DNPEP: variants seen among roughly 807,000 people sequenced by gnomAD.
DNPEP encodes the protein aspartyl aminopeptidase.
A neutral mutation model predicts 59.1 loss-of-function variants in DNPEP; 46 were observed. The observed-to-expected ratio is 0.78, with a 90% CI of 0.61 to 0.99. The LOEUF is 0.99. DNPEP is among the 50% of genes least tolerant of loss of function. The pLI is 0.00. For missense variants in DNPEP, 617 were observed against 649.9 expected, an observed-to-expected ratio of 0.95 and a Z score of 0.55; for synonymous variants, 229 against 242.2, an observed-to-expected ratio of 0.95 and a Z score of 0.50.
chr2:219,398,429 C>T (rs1954132794), intron 1 of DNPEP, among the ~76,000 whole-genome samples: 1 of 152,230 alleles, frequency 6.6e-6, no homozygotes, highest in African/African-American at 2.4e-5. Flanking sequence ...GCGGGTGGAT[C>T]ACCTGAGGTC....
intron 1 of DNPEP, among the ~76,000 whole-genome samples, chr2:219,394,854 C>T (rs2125152808): frequency 6.6e-6 from 1 of 152,270 alleles, no homozygotes; most frequent in South Asian, 2.1e-4. Context: ...ATTCCATCCA[C>T]ATTCTTCCCA....
intron 1 of DNPEP, among the ~76,000 whole-genome samples, chr2:219,396,591 A>G (rs1648928586): frequency 6.6e-6 from 1 of 151,924 alleles, no homozygotes; most frequent in South Asian, 2.1e-4. Context: ...CCATCTCAAA[A>G]AAAAAGAAAA....
chr2:219,381,050 C>G (rs1953575170), intron 13 of DNPEP, among the ~76,000 whole-genome samples: 2 of 152,144 alleles, frequency 1.3e-5, no homozygotes, highest in African/African-American at 2.4e-5. Flanking sequence ...TACCTTCAGT[C>G]TTCATAGAAA....
Position 219,383,125 on chromosome 2 carries a change from A to C in DNPEP, c.936+6T>G. On this transcript the variant is annotated splice_donor_region_variant and intron_variant, in intron 10 of 14. Transcript: ENST00000273075. ...GAGGTGACCCTCCCCAGAACCCTCC[A>C]CGTACCTCTTCGTTGTCATAGAGTG... 6.2e-7 allele frequency: 1 copy of C among 1,613,766 alleles called. No individual in the cohort carries two copies. Among genetic ancestry groups the C allele is most frequent in the Non-Finnish European group, 8.5e-7 (1 of 1,179,624 alleles).
chr2:219,385,854 A>G (rs1953792331), intron 6 of DNPEP, 114 bp downstream of exon 6: 9 of 1,487,304 alleles, frequency 6.1e-6, no homozygotes, highest in South Asian at 3.9e-5. Context: ...GAGGACCCTT[A>G]GAAATTAACT....
chr2:219,381,392 G>C lies in DNPEP; in HGVS notation c.1182C>G (p.Asn394Lys), dbSNP rs751244985. 1 of 1,614,250 alleles carries C rather than the reference G, an allele frequency of 6.2e-7. No homozygotes were observed. ...KVNSKQRYAS[N>K]AVSEALIREV... Reference sequence around the variant, plus strand: ...CTCGGATCAGGGCCTCTGACACCGCGTTTGAAGCATAGCGTTGCTTGCTGT... The same window carrying C: ...CTCGGATCAGGGCCTCTGACACCGCCTTTGAAGCATAGCGTTGCTTGCTGT... The change falls in exon 13 of 15, where the codon AAC becomes AAG. Residue 394 changes from asparagine (N) to lysine (K), a missense_variant. By Grantham distance (94) the Asn-to-Lys change is moderately conservative. Transcript: ENST00000273075.
intron 13 of DNPEP, among the ~76,000 whole-genome samples, chr2:219,377,441 AAAGGGGTGGGGGG>A (rs1326728241): frequency 2.0e-5 from 3 of 152,132 alleles, no homozygotes; most frequent in Admixed American, 6.6e-5. Flanking sequence ...TGCTATTTAA[AAAGGGGTGGGGGG>A]AACTGTGCTA....
rs1953912971 is a variant in DNPEP at position 219,387,745 on chromosome 2, C to T, written c.36+14G>A. 1 of 1,607,394 alleles carries T rather than the reference C, an allele frequency of 6.2e-7. No individual in the cohort carries two copies. On this transcript the variant is annotated intron_variant, in intron 1 of 14. Transcript: ENST00000273075. ...GGGATCGAAATTCAAGTGGGGCCGT[C>T]GGGAGCCACTTACCTGCATGGCCCC...
Position 219,374,175 on chromosome 2 carries a change from A to G in DNPEP, c.*117T>C. ...CAACTCCCACTCCTCTAGTCTCCAA[A>G]TAAGCGTAGCACGGAGAGTCTGAGT... On this transcript the variant is annotated 3_prime_UTR_variant, in exon 15 of 15. Transcript: ENST00000273075. 1.9e-6 allele frequency: 2 copies of G among 1,051,160 alleles called. No individual in the cohort carries two copies. The highest frequency in any genetic ancestry group is 2.9e-6 in the Non-Finnish European group (2 of 693,878). The allele number at this position is 1,051,160 out of a possible 1,614,324, so 65.1% of individuals were successfully genotyped here.
upstream of DNPEP, chr2:219,387,982 C>T: frequency 7.7e-7 from 1 of 1,299,968 alleles, no homozygotes; most frequent in East Asian, 3.2e-5. Context: ...GCATCCGCCC[C>T]GCCCACCTCG....
chr2:219,388,300 C>T (rs1267527878), upstream of DNPEP, among the ~76,000 whole-genome samples: 1 of 148,272 alleles, frequency 6.7e-6, no homozygotes, highest in East Asian at 2.0e-4. Flanking sequence ...CGCCCTGCCC[C>T]CGCCCTTGCT....
In DNPEP at chr2:219,374,908, T is replaced by C. The variant is rs1402536539; in HGVS notation, c.1354A>G (p.Ile452Val). 2 of 1,614,070 alleles carry C rather than the reference T, an allele frequency of 1.2e-6. No individual in the cohort carries two copies. The highest frequency in any genetic ancestry group is 1.7e-6 in the Non-Finnish European group (2 of 1,180,000). ...CCTGTGGTGCAGGCCATCTCCCGGA[T>C]AGAGTGCATGGCCAGTTGGGGGCTG... ...LGSPQLAMHS[I>V]REMACTTGVL... is the part of the protein sequence containing the mutation. Residue 452 changes from isoleucine (I) to valine (V), a missense_variant, in exon 14 of 15, where the codon ATC (isoleucine) becomes GTC (valine). Ile to Val is a conservative substitution (Grantham distance 29, BLOSUM62 3). Transcript: ENST00000273075.
chr2:219,373,692 T>C lies in DNPEP; in HGVS notation c.*600A>G, dbSNP rs1953262014. On this transcript the variant is annotated 3_prime_UTR_variant, in exon 15 of 15. Transcript: ENST00000273075. Reference sequence around the variant, plus strand: ...ACTTTGACTTTTCCAATTTTTTCAATGATAATCTTTTTTCCTGATAATATG... The same window carrying C: ...ACTTTGACTTTTCCAATTTTTTCAACGATAATCTTTTTTCCTGATAATATG... The C allele has an allele frequency of 6.6e-6, 1 of 152,326 alleles. No homozygotes were observed. The highest frequency in any genetic ancestry group is 2.1e-4 in the South Asian group (1 of 4,832). The allele number at this position is 152,326 out of a possible 1,614,324, so 9.4% of individuals were successfully genotyped here. A position where few individuals can be genotyped will look rare whatever the true frequency, so the allele number is the denominator to read the frequency against.
intron 3 of DNPEP, 25 bp from the exon 4 acceptor site, chr2:219,386,803 G>A (rs1324064647): frequency 1.2e-6 from 2 of 1,611,442 alleles, no homozygotes; most frequent in African/African-American, 1.3e-5. Context: ...AGGAAAGACA[G>A]GGGTGTGAGT....
At chr2:219,377,285 A>C (rs1447719505) in intron 13 of DNPEP, among the ~76,000 whole-genome samples, 40 of 119,428 alleles carry the variant, frequency 3.3e-4, no homozygotes, top group Non-Finnish European at 6.8e-4. Flanking sequence ...GTCAAAAAAA[A>C]AAAAAAAAAA....
At position 219,374,231 on chromosome 2, in the gene DNPEP, T is replaced by A; in HGVS notation, c.*61A>T. ...TCCACTTTAATAATCCAGCTTCAGC[T>A]CAGCTGAGAACTTCCCCTCTCAGGT... On this transcript the variant is annotated 3_prime_UTR_variant, in exon 15 of 15. Coordinates refer to ENST00000273075, the MANE Select transcript of DNPEP (RefSeq NM_012100.4). The A allele has an allele frequency of 8.8e-6, 13 of 1,470,804 alleles. No homozygotes were observed. Among genetic ancestry groups the A allele is most frequent in the Non-Finnish European group, 1.2e-5 (13 of 1,050,626 alleles). 91.1% of individuals were successfully genotyped at this position (1,470,804 alleles called of 1,614,324 possible).
In DNPEP at chr2:219,386,996, C is replaced by T; in HGVS notation, c.131-16G>A. The T allele has an allele frequency of 6.2e-7, 1 of 1,613,970 alleles. No homozygotes were observed. Among genetic ancestry groups the T allele is most frequent in the Non-Finnish European group, 8.5e-7 (1 of 1,179,920 alleles). ...TCAGCCACAGCTGTGGGAAAAGCACCCTCTCACAGCGATGGAAGCTGGTGA... is the reference window on the plus strand; with the variant it reads ...TCAGCCACAGCTGTGGGAAAAGCACTCTCTCACAGCGATGGAAGCTGGTGA... On this transcript the variant is annotated splice_polypyrimidine_tract_variant and intron_variant, in intron 2 of 14. Coordinates refer to ENST00000273075, the MANE Select transcript of DNPEP (RefSeq NM_012100.4).
At chr2:219,389,606 G>A (rs2125148823), upstream of DNPEP, among the ~76,000 whole-genome samples, 1 of 152,020 alleles carries the variant, frequency 6.6e-6, no homozygotes, top group South Asian at 2.1e-4. Context: ...GAGGCGGGTA[G>A]ATCACTTGAG....
chr2:219,399,634 A>C, intron 1 of DNPEP: 1 of 631,754 alleles, frequency 1.6e-6, no homozygotes, highest in East Asian at 2.8e-5. Flanking sequence ...GGCACCAGAC[A>C]GGGTTGTTTG....
Sources: allele counts gnomAD v4.1 joint callset (sites outside exome capture counted in the v4.1 genomes callset), GRCh38; gene constraint gnomAD v4.1.1; transcripts MANE v1.5; gene names NCBI Gene and HGNC (gene_info 2026-07-23, HGNC 2026-07-21).